The following DSCAM variants were observed in gnomAD, a reference collection of about 807,000 sequenced individuals.
DSCAM encodes the protein cell adhesion molecule DSCAM.
DSCAM carries 47 observed loss-of-function variants against 217.7 expected under a neutral mutation model. That is an observed-to-expected ratio of 0.22 (90% CI 0.17 to 0.28). The LOEUF is 0.28. DSCAM is among the 10% of genes least tolerant of loss of function. The pLI is 1.00. For missense variants in DSCAM, 2,080 were observed against 2,618.3 expected (o/e 0.79, Z 4.49); for synonymous variants, 1,056 against 1,015.3 (o/e 1.04, Z -0.76).
Position 40,586,157 on chromosome 21 carries a change from C to T in DSCAM, c.508+106653G>A, listed in dbSNP as rs565070829. ...TAGACATGAGCCAACATGCCTGGTCCGTGCTCTTTTGTTTCTGTTCTTGCC... is the reference window on the plus strand; with the variant it reads ...TAGACATGAGCCAACATGCCTGGTCTGTGCTCTTTTGTTTCTGTTCTTGCC... On this transcript the variant is annotated intron_variant, in intron 3 of 32. Transcript: ENST00000400454. Among the ~76,000 whole-genome samples the T allele has an allele frequency of 2.0e-4, 30 of 152,200 alleles. 1 individual carries two copies. Among genetic ancestry groups the T allele is most frequent in the Middle Eastern group, 3.4e-3 (1 of 294 alleles).
At chr21:40,450,299 G>A (rs892191424) in intron 3 of DSCAM, among the ~76,000 whole-genome samples, 5 of 152,260 alleles carry the variant, frequency 3.3e-5, no homozygotes, top group East Asian at 1.9e-4. Flanking sequence ...TGAAGAGGCC[G>A]TCAAGTACAG....
At chr21:40,650,532 CT>C (rs2089999831) in intron 3 of DSCAM, among the ~76,000 whole-genome samples, 1 of 152,222 alleles carries the variant, frequency 6.6e-6, no homozygotes, top group Non-Finnish European at 1.5e-5. Flanking sequence ...TCGTCCAGTT[CT>C]TTCAGAGCCC....
At chr21:40,508,548 T>C (rs2076226937) in intron 3 of DSCAM, among the ~76,000 whole-genome samples, 1 of 151,508 alleles carries the variant, frequency 6.6e-6, no homozygotes, top group African/African-American at 2.4e-5. Flanking sequence ...ATTTTAAAAT[T>C]AGTATTGCTG....
rs1281199707 is a variant in DSCAM, at chr21:40,183,069, G to A, written c.2780-3975C>T. On this transcript the variant is annotated intron_variant, in intron 14 of 32. Transcript: ENST00000400454. ...GGGCTACCAGAGAAACCGTGGACAG[G>A]AGGGGGCTACCAGAGAAACCGTGGA... Among the ~76,000 whole-genome samples, 78 of 47,114 alleles carry A rather than the reference G, an allele frequency of 1.7e-3. 29 individuals are homozygous for A. Among genetic ancestry groups the A allele is most frequent in the African/African-American group, 6.7e-3 (70 of 10,378 alleles). 30.9% of individuals were successfully genotyped at this position (47,114 alleles called of 152,430 possible).
intron 28 of DSCAM, among the ~76,000 whole-genome samples, chr21:40,059,981 T>C (rs1322786289): frequency 6.6e-6 from 1 of 152,236 alleles, no homozygotes; most frequent in Non-Finnish European, 1.5e-5. Flanking sequence ...AGGTTTTTGT[T>C]TGCTTGGCCC....
chr21:40,186,782 C>T (rs569981626), intron 14 of DSCAM, among the ~76,000 whole-genome samples: 14 of 152,256 alleles, frequency 9.2e-5, no homozygotes, highest in East Asian at 1.9e-4. Flanking sequence ...GCTCGGGAAA[C>T]GGGAAGTGAA....
chr21:40,664,407 T>C (rs1405708984), intron 3 of DSCAM, among the ~76,000 whole-genome samples: 1 of 152,122 alleles, frequency 6.6e-6, no homozygotes, highest in Non-Finnish European at 1.5e-5. Context: ...CCCTGCCCTG[T>C]TTCCCCCCGG....
intron 9 of DSCAM, among the ~76,000 whole-genome samples, chr21:40,298,542 A>G (rs575262518): frequency 2.7e-4 from 41 of 152,370 alleles, no homozygotes; most frequent in Non-Finnish European, 5.1e-4. Flanking sequence ...TATATTTAAA[A>G]TAAGATAATA....
intron 20 of DSCAM, among the ~76,000 whole-genome samples, chr21:40,115,958 G>A (rs2089965465): frequency 6.6e-6 from 1 of 152,180 alleles, no homozygotes; most frequent in African/African-American, 2.4e-5. Flanking sequence ...ATACACCATA[G>A]AATACTATGC....
At chr21:40,767,888 T>TCTCTCTCTC (rs67078823) in intron 1 of DSCAM, among the ~76,000 whole-genome samples, 34 of 151,076 alleles carry the variant, frequency 2.3e-4, no homozygotes, top group African/African-American at 8.0e-4. Flanking sequence ...TTTTCTCTCT[T>TCTCTCTCTC]TCTCTCTCTC....
At chr21:40,192,474 G>T (rs1409667202) in intron 11 of DSCAM, among the ~76,000 whole-genome samples, 2 of 152,174 alleles carry the variant, frequency 1.3e-5, no homozygotes, top group Non-Finnish European at 2.9e-5. Context: ...GCCATGTGAA[G>T]AAGCATATGT....
At chr21:40,137,190 A>AG (rs1167814266) in intron 18 of DSCAM, among the ~76,000 whole-genome samples, 4 of 150,270 alleles carry the variant, frequency 2.7e-5, no homozygotes, top group Admixed American at 2.6e-4. Flanking sequence ...AAAAAAAAAA[A>AG]AAAAAAAAGC....
At chr21:40,212,662 C>A (rs998106673) in intron 11 of DSCAM, among the ~76,000 whole-genome samples, 1 of 151,962 alleles carries the variant, frequency 6.6e-6, no homozygotes, top group African/African-American at 2.4e-5. Context: ...TGATATTTTT[C>A]AGTTTAATTT....
At chr21:40,613,222 T>C (rs972053181) in intron 3 of DSCAM, among the ~76,000 whole-genome samples, 3 of 152,222 alleles carry the variant, frequency 2.0e-5, no homozygotes, top group Admixed American at 6.5e-5. Context: ...TAAAAGTCAC[T>C]AAAATGTTTT....
At chr21:40,761,740 T>G (rs1159550402) in intron 1 of DSCAM, among the ~76,000 whole-genome samples, 1 of 152,168 alleles carries the variant, frequency 6.6e-6, no homozygotes, top group Non-Finnish European at 1.5e-5. Context: ...AAAGAACTTA[T>G]CAGAAGAGTA....
In DSCAM at chr21:40,713,296, T is replaced by C. The variant is rs114643550; in HGVS notation, c.44-4525A>G. 3.3e-3 allele frequency among the ~76,000 whole-genome samples: 505 copies of C among 152,298 alleles called. 6 individuals are homozygous for C. The highest frequency in any genetic ancestry group is 0.011 in the African/African-American group (457 of 41,566). On this transcript the variant is annotated intron_variant, in intron 1 of 32. Transcript: ENST00000400454. ...TTACCAGGGCCAAAGGCTTCAATTA[T>C]AGAAAAGTTTATCAGTATAAACACA...
intron 20 of DSCAM, among the ~76,000 whole-genome samples, chr21:40,095,637 A>T (rs1370951330): frequency 6.6e-6 from 1 of 152,172 alleles, no homozygotes; most frequent in Non-Finnish European, 1.5e-5. Flanking sequence ...AGGGTTGCAT[A>T]ACTCTGTGAA....
intron 1 of DSCAM, among the ~76,000 whole-genome samples, chr21:40,804,828 C>T (rs1339933318): frequency 6.6e-6 from 1 of 152,180 alleles, no homozygotes; most frequent in East Asian, 1.9e-4. Flanking sequence ...TCCCCTCCAT[C>T]TAGGACTATC....
intron 2 of DSCAM, among the ~76,000 whole-genome samples, chr21:40,696,631 T>C (rs2090598396): frequency 6.6e-6 from 1 of 152,262 alleles, no homozygotes; most frequent in Non-Finnish European, 1.5e-5. Context: ...TCTTGGGGGA[T>C]CTGATTCAGG....
Sources: allele counts gnomAD v4.1 joint callset (sites outside exome capture counted in the v4.1 genomes callset), GRCh38; gene constraint gnomAD v4.1.1; transcripts MANE v1.5; gene names NCBI Gene and HGNC (gene_info 2026-07-23, HGNC 2026-07-21).